Variants in HIPK3 observed in about 807,000 individuals in gnomAD.
The protein encoded by HIPK3 is homeodomain interacting protein kinase 3, also known as homeodomain-interacting protein kinase 3.
In HIPK3, 47 loss-of-function variants were observed where a neutral mutation model predicts 124.2. That is an observed-to-expected ratio of 0.38 (90% CI 0.30 to 0.48). The LOEUF (loss-of-function observed/expected upper bound fraction) is 0.48, where lower values mean the gene tolerates loss of function less well. Among genes scored for constraint, HIPK3 ranks in the 20% least tolerant of loss-of-function variants. HIPK3 has a pLI of 0.98. For synonymous variants in HIPK3, 482 were observed against 515.2 expected, an observed-to-expected ratio of 0.94 and a Z score of 0.87; for missense variants, 1,286 against 1,454.3, an observed-to-expected ratio of 0.88 and a Z score of 1.88.
In HIPK3 at chr11:33,280,939, T is replaced by C. The variant is rs138503217; in HGVS notation, c.-2-5474T>C. 5.8e-3 allele frequency among the ~76,000 whole-genome samples: 890 copies of C among 152,282 alleles called. 7 individuals are homozygous for C. Among genetic ancestry groups the C allele is most frequent in the Middle Eastern group, 0.038 (11 of 292 alleles). On this transcript the variant is annotated intron_variant, in intron 1 of 16. Transcript: ENST00000303296. ...GACGAGATCATTGGTTCTCAGATTT[T>C]AGTGTGACTCTACATGGCCCTGGGA...
rs577981222 is a variant in HIPK3 at position 33,339,314 on chromosome 11, T to G, written c.1429-36T>G. 1.1e-5 allele frequency: 16 copies of G among 1,514,798 alleles called. No individual in the cohort carries two copies. The South Asian group carries it at 1.6e-4, about 15-fold the overall frequency. The allele number at this position is 1,514,798 out of a possible 1,614,324, so 93.8% of individuals were successfully genotyped here. A position where few individuals can be genotyped will look rare whatever the true frequency, so the allele number is the denominator to read the frequency against. On this transcript the variant is annotated intron_variant, in intron 5 of 16. Transcript: ENST00000303296. ...AATTTATACTACTCTCTGTGACTTATTTTTACTTGATGGCTTGAAATTTTG... is the reference window on the plus strand; with the variant it reads ...AATTTATACTACTCTCTGTGACTTAGTTTTACTTGATGGCTTGAAATTTTG...
At chr11:33,311,137 G>T (rs534989413) in intron 2 of HIPK3, among the ~76,000 whole-genome samples, 2 of 152,218 alleles carry the variant, frequency 1.3e-5, no homozygotes, top group East Asian at 3.9e-4. Flanking sequence ...ATTCTCTCAG[G>T]TCCTGGCTGT....
intron 2 of HIPK3, among the ~76,000 whole-genome samples, chr11:33,323,787 A>T (rs1182139730): frequency 6.6e-6 from 1 of 152,244 alleles, no homozygotes; most frequent in Non-Finnish European, 1.5e-5. Context: ...AGGAAAAGAA[A>T]TGGCATTTCA....
intron 2 of HIPK3, among the ~76,000 whole-genome samples, chr11:33,293,589 G>A (rs990103968): frequency 6.6e-6 from 1 of 151,798 alleles, no homozygotes; most frequent in African/African-American, 2.4e-5. Flanking sequence ...CCATGTTGTA[G>A]GATGTATCAA....
chr11:33,344,571 G>T (rs1853438537), intron 8 of HIPK3, among the ~76,000 whole-genome samples: 1 of 152,086 alleles, frequency 6.6e-6, no homozygotes, highest in South Asian at 2.1e-4. Context: ...AAACCTTTCT[G>T]TACATAAAGT....
chr11:33,292,780 G>T (rs1283431454), intron 2 of HIPK3, among the ~76,000 whole-genome samples: 4 of 152,096 alleles, frequency 2.6e-5, no homozygotes, highest in Non-Finnish European at 5.9e-5. Context: ...CTGTTGCCCA[G>T]GCTGGAGTGC....
At chr11:33,269,521 A>G (rs901164557) in intron 1 of HIPK3, among the ~76,000 whole-genome samples, 1 of 151,816 alleles carries the variant, frequency 6.6e-6, no homozygotes, top group Non-Finnish European at 1.5e-5. Context: ...ATTGTGTACA[A>G]CATTGACTCT....
At chr11:33,316,435 G>T (rs1249766898) in intron 2 of HIPK3, among the ~76,000 whole-genome samples, 1 of 152,056 alleles carries the variant, frequency 6.6e-6, no homozygotes, top group Non-Finnish European at 1.5e-5. Context: ...CTCCTTTATG[G>T]TATCCTCTAC....
At chr11:33,303,418 A>G (rs1245122783) in intron 2 of HIPK3, among the ~76,000 whole-genome samples, 1 of 152,208 alleles carries the variant, frequency 6.6e-6, no homozygotes, top group Admixed American at 6.5e-5. Context: ...CAGGTACAGA[A>G]GGCTGACTGT....
chr11:33,336,988 C>T, intron 3 of HIPK3, 87 bp from the exon 4 acceptor site: 1 of 910,840 alleles, frequency 1.1e-6, no homozygotes, highest in Non-Finnish European at 1.7e-6. Flanking sequence ...TATTTTCATA[C>T]CTGACCTAAC....
At chr11:33,330,804 C>G (rs1345803598) in intron 3 of HIPK3, among the ~76,000 whole-genome samples, 1 of 150,624 alleles carries the variant, frequency 6.6e-6, no homozygotes, top group Non-Finnish European at 1.5e-5. Context: ...TTTTCCCTAT[C>G]AGTCTTAACT....
intron 1 of HIPK3, among the ~76,000 whole-genome samples, chr11:33,268,028 T>A (rs912435380): frequency 7.3e-5 from 11 of 151,324 alleles, no homozygotes; most frequent in Admixed American, 7.2e-4. Flanking sequence ...CGGACCAACA[T>A]GGTGAAACCC....
At chr11:33,266,430 G>C (rs1850967048) in intron 1 of HIPK3, among the ~76,000 whole-genome samples, 1 of 152,134 alleles carries the variant, frequency 6.6e-6, no homozygotes, top group Non-Finnish European at 1.5e-5. Context: ...TGAAAAATAT[G>C]AACACTTCTG....
chr11:33,264,715 A>G (rs1250819183), intron 1 of HIPK3, among the ~76,000 whole-genome samples: 3 of 152,216 alleles, frequency 2.0e-5, no homozygotes, highest in Admixed American at 6.5e-5. Flanking sequence ...CAAATTCTTT[A>G]ACTTCCCCCT....
intron 8 of HIPK3, among the ~76,000 whole-genome samples, chr11:33,343,276 T>C (rs1283742824): frequency 2.0e-5 from 3 of 151,248 alleles, no homozygotes; most frequent in Non-Finnish European, 2.9e-5. Flanking sequence ...TGTGTGTGTG[T>C]GTGTGTGTGT....
Position 33,328,705 on chromosome 11 carries a change from G to C in HIPK3, c.1221+72G>C, listed in dbSNP as rs568668807. The C allele has an allele frequency of 4.3e-6, 6 of 1,393,652 alleles. No individual in the cohort carries two copies. The South Asian group carries it at 7.2e-5, about 17-fold the overall frequency. 86.3% of individuals were successfully genotyped at this position (1,393,652 alleles called of 1,614,324 possible). A position where few individuals can be genotyped will look rare whatever the true frequency, so the allele number is the denominator to read the frequency against. The stretch of plus-strand genomic sequence containing the variant: ...AATAACAGACTTACAGGAACACATG[G>C]CTGCAGGTGTACAATACACTGGAAA... On this transcript the variant is annotated intron_variant, in intron 3 of 16. Transcript: ENST00000303296.
intron 7 of HIPK3, 125 bp downstream of exon 7, chr11:33,341,252 C>A: frequency 1.6e-6 from 1 of 622,488 alleles, no homozygotes; most frequent in East Asian, 3.1e-5. Context: ...CTTACTATAC[C>A]TGTTTTTACC....
At chr11:33,267,505 T>TTA (rs1565053158) in intron 1 of HIPK3, among the ~76,000 whole-genome samples, 4 of 150,814 alleles carry the variant, frequency 2.7e-5, no homozygotes, top group South Asian at 2.1e-4. Flanking sequence ...TATTATTATT[T>TTA]TTTTTTTTGA....
chr11:33,297,937 G>A (rs906362182), intron 2 of HIPK3, among the ~76,000 whole-genome samples: 2 of 151,694 alleles, frequency 1.3e-5, no homozygotes, highest in African/African-American at 4.8e-5. Flanking sequence ...TTACAGGGGC[G>A]CACTACCATG....
Sources: gnomAD v4.1 joint callset for allele counts (sites outside exome capture counted in the v4.1 genomes callset) on GRCh38, gnomAD v4.1.1 for gene constraint, MANE v1.5 for transcripts, NCBI Gene and HGNC (gene_info 2026-07-23, HGNC 2026-07-21) for gene names.